The following KIAA1328 variants were observed in gnomAD, a reference collection of about 807,000 sequenced individuals.
KIAA1328 encodes the protein KIAA1328, also known as protein hinderin.
In KIAA1328, 52 loss-of-function variants were observed where a neutral mutation model predicts 68.1. The ratio of observed to expected loss-of-function variants is 0.76; its 90% CI spans 0.61 to 0.96. The LOEUF (loss-of-function observed/expected upper bound fraction) is 0.96, where lower values mean the gene tolerates loss of function less well. Among genes scored for constraint, KIAA1328 ranks in the 40% least tolerant of loss-of-function variants. The pLI, the probability that KIAA1328 is intolerant of heterozygous loss-of-function variation, is 0.00. For synonymous variants in KIAA1328, 232 were observed against 239.4 expected, an observed-to-expected ratio of 0.97 and a Z score of 0.28; for missense variants, 641 against 677.6, an observed-to-expected ratio of 0.95 and a Z score of 0.60.
At position 37,067,001 on chromosome 18, in the gene KIAA1328, G is replaced by T; in HGVS notation, c.688G>T (p.Ala230Ser). ...YYQTKQRPKS[A>S]VQDSASESLI... ...TCAAACCAAGCAAAGACCTAAGTCT[G>T]CAGTCCAGGATTCAGCTTCAGAATC... is the stretch of plus-strand genomic sequence containing the variant. Residue 230 changes from alanine to serine, a missense_variant, in exon 7 of 10, where the codon GCA (alanine) becomes TCA (serine). By Grantham distance (99) the Ala-to-Ser change is moderately conservative. Coordinates refer to ENST00000280020, the MANE Select transcript of KIAA1328 (RefSeq NM_020776.3). 6.2e-7 allele frequency: 1 copy of T among 1,613,836 alleles called. No homozygotes were observed. Among genetic ancestry groups the T allele is most frequent in the Non-Finnish European group, 8.5e-7 (1 of 1,179,832 alleles).
chr18:36,845,459 T>G (rs948697151), intron 4 of KIAA1328, among the ~76,000 whole-genome samples: 4 of 151,736 alleles, frequency 2.6e-5, no homozygotes, highest in Non-Finnish European at 5.9e-5. Flanking sequence ...TTGTTAATGG[T>G]CCTACGTTGC....
chr18:37,005,183 A>G (rs1373869592), intron 6 of KIAA1328, among the ~76,000 whole-genome samples: 1 of 152,056 alleles, frequency 6.6e-6, no homozygotes, highest in Non-Finnish European at 1.5e-5. Context: ...AATCACCACT[A>G]AAGCACTTAC....
chr18:37,123,703 C>T (rs774213650), intron 7 of KIAA1328, among the ~76,000 whole-genome samples: 8 of 152,042 alleles, frequency 5.3e-5, no homozygotes, highest in Non-Finnish European at 1.2e-4. Context: ...ATCAAAGAGA[C>T]TGAAACAGTA....
intron 6 of KIAA1328, among the ~76,000 whole-genome samples, chr18:37,024,350 T>A (rs964183951): frequency 2.8e-4 from 38 of 136,878 alleles, no homozygotes; most frequent in African/African-American, 8.8e-4. Context: ...ATGTATATAT[T>A]TATTATTTAT....
chr18:37,139,019 C>T lies in KIAA1328; in HGVS notation c.1233-21181C>T, dbSNP rs1020804198. The stretch of plus-strand genomic sequence containing the variant: ...TCGCCCAGGCTGGAGTGCAGTGGCA[C>T]GATCTTGGCTCACTGCAAGCTCCGC... On this transcript the variant is annotated intron_variant, in intron 7 of 9. Transcript: ENST00000280020. Among the ~76,000 whole-genome samples, 10 of 136,178 alleles carry T rather than the reference C, an allele frequency of 7.3e-5. 1 individual carries two copies. The highest frequency in any genetic ancestry group is 4.6e-4 in the South Asian group (2 of 4,320). The allele number at this position is 136,178 out of a possible 152,430, so 89.3% of individuals were successfully genotyped here.
At chr18:37,227,563 A>G (rs1448409583), downstream of KIAA1328, among the ~76,000 whole-genome samples, 1 of 152,244 alleles carries the variant, frequency 6.6e-6, no homozygotes, top group African/African-American at 2.4e-5. Flanking sequence ...CCCATGCTCT[A>G]TAAAAGGAAC....
At chr18:36,876,025 C>T (rs1004269305) in intron 4 of KIAA1328, among the ~76,000 whole-genome samples, 2 of 152,068 alleles carry the variant, frequency 1.3e-5, no homozygotes, top group African/African-American at 4.8e-5. Context: ...CTGACTTGAT[C>T]TTGGTGGATA....
chr18:37,014,235 A>G (rs912288317), intron 6 of KIAA1328, among the ~76,000 whole-genome samples: 5 of 152,204 alleles, frequency 3.3e-5, no homozygotes, highest in African/African-American at 1.2e-4. Flanking sequence ...AATTATGGAT[A>G]TTAGACCTCT....
chr18:37,071,095 G>A lies in KIAA1328; in HGVS notation c.1232+3550G>A, dbSNP rs184871656. Among the ~76,000 whole-genome samples, 119 of 112,170 alleles carry A rather than the reference G, an allele frequency of 1.1e-3. 1 individual carries two copies. The highest frequency in any genetic ancestry group is 4.1e-3 in the African/African-American group (112 of 27,064). 73.6% of individuals were successfully genotyped at this position (112,170 alleles called of 152,430 possible). Reference sequence around the variant, plus strand: ...TTTTTTTTTTTTTTTGGTTTGACAGGATCTCACTCTGTTGCCCATGCTGGA... The same window carrying A: ...TTTTTTTTTTTTTTTGGTTTGACAGAATCTCACTCTGTTGCCCATGCTGGA... On this transcript the variant is annotated intron_variant, in intron 7 of 9. Coordinates refer to ENST00000280020, the MANE Select transcript of KIAA1328 (RefSeq NM_020776.3).
At chr18:36,987,899 A>T (rs940717959) in intron 6 of KIAA1328, among the ~76,000 whole-genome samples, 5 of 151,936 alleles carry the variant, frequency 3.3e-5, no homozygotes, top group African/African-American at 7.3e-5. Context: ...GCCTGGCCTT[A>T]TTGTGATCAG....
At chr18:37,211,786 T>G (rs1204386039) in intron 9 of KIAA1328, among the ~76,000 whole-genome samples, 2 of 152,226 alleles carry the variant, frequency 1.3e-5, no homozygotes, top group African/African-American at 4.8e-5. Context: ...AAGCCCACAG[T>G]TCTCTTTCAA....
chr18:36,884,623 AT>A (rs1360516969), intron 4 of KIAA1328, among the ~76,000 whole-genome samples: 3 of 152,290 alleles, frequency 2.0e-5, no homozygotes, highest in Admixed American at 1.3e-4. Flanking sequence ...GCAGAAGTAA[AT>A]TTAGTAGCTC....
chr18:37,164,863 G>T (rs1599480720), intron 8 of KIAA1328, among the ~76,000 whole-genome samples: 1 of 152,266 alleles, frequency 6.6e-6, no homozygotes, highest in East Asian at 1.9e-4. Context: ...AAATTGTAGA[G>T]GCCTTAAATG....
intron 9 of KIAA1328, among the ~76,000 whole-genome samples, chr18:37,186,509 G>A (rs1470125384): frequency 7.0e-6 from 1 of 142,840 alleles, no homozygotes; most frequent in Non-Finnish European, 1.5e-5. Flanking sequence ...AGAGGCTGCA[G>A]TGAGCCATGA....
intron 5 of KIAA1328, among the ~76,000 whole-genome samples, chr18:36,900,194 GTTAAAATGGTCAA>G (rs1030812537): frequency 9.2e-5 from 14 of 152,034 alleles, no homozygotes; most frequent in African/African-American, 3.4e-4. Flanking sequence ...TCTTATTGGT[GTTAAAATGGTCAA>G]TCTTGTAAAA....
At chr18:36,838,531 G>C (rs2046754175) in intron 3 of KIAA1328, among the ~76,000 whole-genome samples, 1 of 152,040 alleles carries the variant, frequency 6.6e-6, no homozygotes, top group Admixed American at 6.5e-5. Context: ...TATTTTTGCT[G>C]GTTATAAAAT....
chr18:36,894,273 A>T (rs571055972), intron 5 of KIAA1328, among the ~76,000 whole-genome samples: 27 of 152,306 alleles, frequency 1.8e-4, no homozygotes, highest in African/African-American at 9.6e-5. Flanking sequence ...TGGTTAAAAA[A>T]TTTTTTGGTA....
At chr18:36,918,711 G>A (rs117031065) in intron 5 of KIAA1328, among the ~76,000 whole-genome samples, 4,166 of 151,320 alleles carry the variant, frequency 0.028, 83 homozygotes, top group Middle Eastern at 0.065. Context: ...CACTGCGCCC[G>A]GCCTTTCTAT....
chr18:37,061,122 AAG>A (rs1350635416), intron 6 of KIAA1328, among the ~76,000 whole-genome samples: 1 of 152,234 alleles, frequency 6.6e-6, no homozygotes, highest in Non-Finnish European at 1.5e-5. Context: ...CTCAAAAAAA[AAG>A]AGAAAGAAAA....
Sources: allele counts gnomAD v4.1 joint callset (sites outside exome capture counted in the v4.1 genomes callset), GRCh38; gene constraint gnomAD v4.1.1; transcripts MANE v1.5; gene names NCBI Gene and HGNC (gene_info 2026-07-23, HGNC 2026-07-21).